The following RICTOR variants were observed in gnomAD, a reference collection of about 807,000 sequenced individuals.
RICTOR encodes RPTOR independent companion of MTOR complex 2.
RICTOR carries 49 observed loss-of-function variants against 214.9 expected under a neutral mutation model. The observed-to-expected ratio is 0.23, with a 90% CI of 0.18 to 0.29. RICTOR has a LOEUF of 0.29. Among genes scored for constraint, RICTOR ranks in the 10% least tolerant of loss-of-function variants. The probability of loss-of-function intolerance (pLI) is 1.00; values close to 1 mark genes in which losing one functional copy is unlikely to be tolerated. For missense variants in RICTOR, 1,625 were observed against 2,047.0 expected, an observed-to-expected ratio of 0.79 and a Z score of 3.98; for synonymous variants, 717 against 711.3, an observed-to-expected ratio of 1.01 and a Z score of -0.13.
chr5:38,975,498 T>C, intron 10 of RICTOR, 39 bp downstream of exon 10: 1 of 1,410,704 alleles, frequency 7.1e-7, no homozygotes, highest in Non-Finnish European at 1.0e-6. Flanking sequence ...AGTCTAGTTT[T>C]TCTTCTTGGA....
At chr5:39,028,895 C>G (rs1756064407) in intron 2 of RICTOR, among the ~76,000 whole-genome samples, 1 of 152,070 alleles carries the variant, frequency 6.6e-6, no homozygotes, top group African/African-American at 2.4e-5. Context: ...AAGACCCAGT[C>G]TCTTAAAACC....
intron 3 of RICTOR, among the ~76,000 whole-genome samples, chr5:39,008,474 C>G (rs1253270734): frequency 6.6e-6 from 1 of 151,992 alleles, no homozygotes; most frequent in East Asian, 1.9e-4. Flanking sequence ...GAAATCAGAT[C>G]AAACCAGTTT....
Position 39,053,900 on chromosome 5 carries a change from A to C in RICTOR, c.97+20211T>G, listed in dbSNP as rs571263117. Reference sequence around the variant, plus strand: ...AGCGAGACTCCGTCTCAAAAAAAAAAAAAAAACCCGTCTCTACTAAAAATA... The same window carrying C: ...AGCGAGACTCCGTCTCAAAAAAAAACAAAAAACCCGTCTCTACTAAAAATA... On this transcript the variant is annotated intron_variant, in intron 2 of 37. Transcript: ENST00000357387. 2.2e-5 allele frequency among the ~76,000 whole-genome samples: 3 copies of C among 135,678 alleles called. No homozygotes were observed. In the South Asian group the frequency reaches 7.6e-4, roughly 34 times the overall value. The allele number at this position is 135,678 out of a possible 152,430, so 89.0% of individuals were successfully genotyped here.
intron 6 of RICTOR, among the ~76,000 whole-genome samples, chr5:38,993,161 A>C (rs750988077): frequency 2.6e-5 from 4 of 152,180 alleles, no homozygotes; most frequent in Non-Finnish European, 5.9e-5. Flanking sequence ...CTCATGGGCC[A>C]ATGTAGGTTT....
chr5:39,072,220 C>CT (rs1240887398), intron 2 of RICTOR, among the ~76,000 whole-genome samples: 2 of 152,128 alleles, frequency 1.3e-5, no homozygotes, highest in Non-Finnish European at 2.9e-5. Context: ...ATTTTCTGCA[C>CT]TATCTATATT....
chr5:38,974,791 A>G (rs1026084640), intron 10 of RICTOR, among the ~76,000 whole-genome samples: 4 of 152,238 alleles, frequency 2.6e-5, no homozygotes, highest in African/African-American at 9.6e-5. Context: ...GCCTTCCCAT[A>G]CAAATGGCTG....
rs1218787831 is a variant in RICTOR at position 39,012,921 on chromosome 5, T to G, written c.195+8118A>C. Among the ~76,000 whole-genome samples the G allele has an allele frequency of 2.0e-5, 3 of 152,086 alleles. No individual in the cohort carries two copies. The South Asian group carries it at 6.2e-4, about 32-fold the overall frequency. ...CATATACAAAGATGCTAAGAGAGGGTTACTCTCTGCTTTTCAAGACTAGAA... is the reference window on the plus strand; with the variant it reads ...CATATACAAAGATGCTAAGAGAGGGGTACTCTCTGCTTTTCAAGACTAGAA... On this transcript the variant is annotated intron_variant, in intron 3 of 37. Coordinates refer to ENST00000357387, the MANE Select transcript of RICTOR (RefSeq NM_152756.5).
chr5:38,938,296 A>C lies in RICTOR; in HGVS notation c.*4008T>G. On this transcript the variant is annotated 3_prime_UTR_variant, in exon 38 of 38. Coordinates refer to ENST00000357387, the MANE Select transcript of RICTOR (RefSeq NM_152756.5). ...GCATTAAGTCTGAGATTTTTTTCAC[A>C]ATTCCTTACCACTTTTCAAAACTAG... 4.4e-6 allele frequency: 1 copy of C among 227,176 alleles called. No individual in the cohort carries two copies. Among genetic ancestry groups the C allele is most frequent in the Non-Finnish European group, 8.8e-6 (1 of 114,130 alleles). 14.1% of individuals were successfully genotyped at this position (227,176 alleles called of 1,614,324 possible).
Position 38,962,338 on chromosome 5 carries a change from G to T in RICTOR, c.1692C>A (p.Asn564Lys). 7.0e-7 allele frequency: 1 copy of T among 1,429,728 alleles called. No individual in the cohort carries two copies. The highest frequency in any genetic ancestry group is 9.7e-7 in the Non-Finnish European group (1 of 1,029,674). The allele number at this position is 1,429,728 out of a possible 1,614,324, so 88.6% of individuals were successfully genotyped here. ...ILKWPNVNLR[N>K]YKDEQLHRFV... ...ACCTGTGTAACTGTTCATCTTTATA[G>T]TTTCTTAGATTTACATTTGGCCACT... Residue 564 changes from asparagine to lysine, a missense_variant, in exon 19 of 38, where the codon AAC becomes AAA. Physicochemically the swap from Asn to Lys is moderately conservative, Grantham distance 94. Around this residue, in one of 5 missense-constraint regions of RICTOR, gnomAD observed 1,214 missense variants for 1,470.5 expected, o/e 0.83. Coordinates refer to ENST00000357387, the MANE Select transcript of RICTOR (RefSeq NM_152756.5).
At chr5:38,961,694 T>C (rs1579924333) in intron 19 of RICTOR, among the ~76,000 whole-genome samples, 1 of 152,278 alleles carries the variant, frequency 6.6e-6, no homozygotes. Flanking sequence ...TTAAAACTTT[T>C]ATAGATATTA....
chr5:38,988,918 C>T (rs1247726582), intron 7 of RICTOR, among the ~76,000 whole-genome samples: 2 of 152,026 alleles, frequency 1.3e-5, no homozygotes, highest in Non-Finnish European at 2.9e-5. Context: ...GAATCAATAT[C>T]GTGAAAATGG....
intron 4 of RICTOR, among the ~76,000 whole-genome samples, chr5:39,002,905 GTTCT>G (rs1753748936): frequency 6.6e-6 from 1 of 151,892 alleles, no homozygotes; most frequent in Non-Finnish European, 1.5e-5. Context: ...ATGTTATTGA[GTTCT>G]TTCTTACCTT....
intron 2 of RICTOR, among the ~76,000 whole-genome samples, chr5:39,061,823 T>C (rs556763544): frequency 2.0e-5 from 3 of 152,116 alleles, no homozygotes; most frequent in African/African-American, 7.2e-5. Flanking sequence ...TCTTTTCAAA[T>C]ATATAACTTT....
At chr5:39,035,633 C>T (rs533284900) in intron 2 of RICTOR, among the ~76,000 whole-genome samples, 16 of 152,128 alleles carry the variant, frequency 1.1e-4, no homozygotes, top group Middle Eastern at 3.4e-3. Context: ...TTAAAGGACC[C>T]GATGGAGCTG....
intron 2 of RICTOR, among the ~76,000 whole-genome samples, chr5:39,064,630 T>C (rs114816541): frequency 0.014 from 2,089 of 152,294 alleles, 58 homozygotes; most frequent in African/African-American, 0.049. Context: ...TTATTCTTGG[T>C]AGCCTGAGAC....
At chr5:38,955,156 A>G (rs775387460) in intron 26 of RICTOR, among the ~76,000 whole-genome samples, 1 of 151,944 alleles carries the variant, frequency 6.6e-6, no homozygotes, top group Admixed American at 6.6e-5. Flanking sequence ...TACTTATAAC[A>G]CTGCATAAAA....
chr5:38,946,602 C>T lies in RICTOR; in HGVS notation c.4315-50G>A, dbSNP rs370987794. 1.2e-5 allele frequency: 14 copies of T among 1,158,300 alleles called. No homozygotes were observed. The South Asian group carries it at 1.4e-4, about 12-fold the overall frequency. 71.8% of individuals were successfully genotyped at this position (1,158,300 alleles called of 1,614,324 possible). ...AAGTCCTGCTATAAAAATAAGCCCA[C>T]TTTATGAAAATTAGCAAAATTAAAC... On this transcript the variant is annotated intron_variant, in intron 32 of 37. Coordinates refer to ENST00000357387, the MANE Select transcript of RICTOR (RefSeq NM_152756.5).
intron 2 of RICTOR, among the ~76,000 whole-genome samples, chr5:39,023,085 T>TA (rs1457525934): frequency 2.6e-5 from 4 of 150,966 alleles, no homozygotes; most frequent in Admixed American, 6.6e-5. Flanking sequence ...GTAGCCAGAT[T>TA]AAAAACAAGA....
At position 38,958,535 on chromosome 5, in the gene RICTOR, A is replaced by G; in HGVS notation, c.2344-16T>C. 1 of 1,597,342 alleles carries G rather than the reference A, an allele frequency of 6.3e-7. No homozygotes were observed. The highest frequency in any genetic ancestry group is 1.3e-5 in the African/African-American group (1 of 74,484). On this transcript the variant is annotated splice_polypyrimidine_tract_variant and intron_variant, in intron 23 of 37. Coordinates refer to ENST00000357387, the MANE Select transcript of RICTOR (RefSeq NM_152756.5). ...GAAGATTGGCCTAAAAGAGATTATCATTATTTTTTTATAATTGCACAAAAA... is the reference window on the plus strand; with the variant it reads ...GAAGATTGGCCTAAAAGAGATTATCGTTATTTTTTTATAATTGCACAAAAA...
Sources: allele counts gnomAD v4.1 joint callset (sites outside exome capture counted in the v4.1 genomes callset), GRCh38; gene constraint gnomAD v4.1.1; regional missense constraint gnomAD v4.1.1; transcripts MANE v1.5; gene names NCBI Gene and HGNC (gene_info 2026-07-23, HGNC 2026-07-21).